The following ZBTB16 variants were observed in gnomAD, a reference collection of about 807,000 sequenced individuals.
ZBTB16 encodes zinc finger and BTB domain containing 16.
In ZBTB16, 8 loss-of-function variants were observed where a neutral mutation model predicts 56.8. The ratio of observed to expected loss-of-function variants is 0.14; its 90% CI spans 0.08 to 0.25. ZBTB16 has a LOEUF of 0.25. ZBTB16 is among the 10% of genes least tolerant of loss of function. The pLI is 1.00. For synonymous variants in ZBTB16, 363 were observed against 368.5 expected, an observed-to-expected ratio of 0.98 and a Z score of 0.17; for missense variants, 625 against 903.0, an observed-to-expected ratio of 0.69 and a Z score of 3.95.
chr11:114,227,665 G>A (rs1944358198), intron 4 of ZBTB16, among the ~76,000 whole-genome samples: 1 of 152,100 alleles, frequency 6.6e-6, no homozygotes, highest in Admixed American at 6.5e-5. Context: ...CTAAGGCTGG[G>A]CCTCCTGTAG....
At chr11:114,118,819 T>C (rs1242292804) in intron 2 of ZBTB16, among the ~76,000 whole-genome samples, 4 of 152,298 alleles carry the variant, frequency 2.6e-5, no homozygotes, top group Non-Finnish European at 5.9e-5. Flanking sequence ...GTTGCGTCTC[T>C]GTGATGAGAC....
intron 2 of ZBTB16, among the ~76,000 whole-genome samples, chr11:114,122,921 T>C (rs1201988560): frequency 1.3e-5 from 2 of 152,212 alleles, no homozygotes; most frequent in Non-Finnish European, 2.9e-5. Flanking sequence ...ACAGACTGGG[T>C]GGCTCAAACA....
chr11:114,111,195 A>C (rs967621032), intron 2 of ZBTB16, among the ~76,000 whole-genome samples: 1 of 142,590 alleles, frequency 7.0e-6, no homozygotes, highest in Non-Finnish European at 1.5e-5. Context: ...GCGCGAGATA[A>C]CTTGGCTGGA....
At chr11:114,215,533 T>C (rs760645883) in intron 4 of ZBTB16, among the ~76,000 whole-genome samples, 15 of 152,198 alleles carry the variant, frequency 9.9e-5, no homozygotes, top group Non-Finnish European at 1.8e-4. Flanking sequence ...CCTGGTGTGC[T>C]AGCAAGAAAA....
intron 2 of ZBTB16, among the ~76,000 whole-genome samples, chr11:114,076,978 G>T (rs1188561673): frequency 6.6e-6 from 1 of 152,170 alleles, no homozygotes; most frequent in Non-Finnish European, 1.5e-5. Context: ...GGCTGGGGGG[G>T]AGAATAGGCC....
At chr11:114,116,775 C>G (rs1401503535) in intron 2 of ZBTB16, among the ~76,000 whole-genome samples, 1 of 152,054 alleles carries the variant, frequency 6.6e-6, no homozygotes, top group Non-Finnish European at 1.5e-5. Context: ...GTGAAAGCTC[C>G]AAGCGGGGAA....
chr11:114,238,747 A>T (rs1591807799), intron 4 of ZBTB16, among the ~76,000 whole-genome samples: 1 of 149,440 alleles, frequency 6.7e-6, no homozygotes, highest in Non-Finnish European at 1.5e-5. Context: ...GACTCCCATC[A>T]CCCTCCCAGC....
At chr11:114,148,092 T>A (rs1051264380) in intron 2 of ZBTB16, among the ~76,000 whole-genome samples, 2 of 152,210 alleles carry the variant, frequency 1.3e-5, no homozygotes, top group African/African-American at 4.8e-5. Flanking sequence ...GCCACGAAGA[T>A]CCCTCCTTGA....
At chr11:114,229,741 T>G (rs1295133795) in intron 4 of ZBTB16, among the ~76,000 whole-genome samples, 3 of 152,198 alleles carry the variant, frequency 2.0e-5, no homozygotes, top group African/African-American at 7.2e-5. Context: ...GAAACTATAT[T>G]GAGTTAGCTA....
At chr11:114,188,374 G>T (rs1353608599) in intron 4 of ZBTB16, 1 of 152,198 alleles carries the variant, frequency 6.6e-6, no homozygotes, top group Non-Finnish European at 1.5e-5. Context: ...AGCTGAGACT[G>T]CATGGGTTTA....
rs141006031 is a variant in ZBTB16 at position 114,181,792 on chromosome 11, C to T, written c.1367-5160C>T. Among the ~76,000 whole-genome samples the T allele has an allele frequency of 6.0e-3, 913 of 152,130 alleles. 10 individuals carry two copies. The highest frequency in any genetic ancestry group is 0.021 in the African/African-American group (864 of 41,496). Reference sequence around the variant, plus strand: ...AGGGTCTAGCGCACTTTATCTTCTGCTATTCTCCCTCTGCTATTTAATTTC... The same window carrying T: ...AGGGTCTAGCGCACTTTATCTTCTGTTATTCTCCCTCTGCTATTTAATTTC... On this transcript the variant is annotated intron_variant, in intron 3 of 6. Coordinates refer to ENST00000335953, the MANE Select transcript of ZBTB16 (RefSeq NM_006006.6).
intron 2 of ZBTB16, among the ~76,000 whole-genome samples, chr11:114,154,358 A>G (rs1942350538): frequency 6.6e-6 from 1 of 152,206 alleles, no homozygotes; most frequent in South Asian, 2.1e-4. Context: ...TTATGTTGCC[A>G]TCCACCAGAT....
In ZBTB16 at chr11:114,254,184, T is replaced by TAC. The variant is rs991694497; in HGVS notation, c.*3630_*3631insCA. Among the ~76,000 whole-genome samples the TAC allele has an allele frequency of 2.7e-5, 4 of 150,554 alleles. No homozygotes were observed. The highest frequency in any genetic ancestry group is 9.7e-5 in the African/African-American group (4 of 41,108). On this transcript the variant is annotated 3_prime_UTR_variant, in exon 7 of 7. Transcript: ENST00000335953. ...ATAGACAAATATATAGATATATAGATATATATATATATAGCAAGAGATTGA... is the reference window on the plus strand; with the variant it reads ...ATAGACAAATATATAGATATATAGATACATATATATATATAGCAAGAGATTGA...
At chr11:114,234,119 C>G (rs1944513977) in intron 4 of ZBTB16, among the ~76,000 whole-genome samples, 1 of 152,202 alleles carries the variant, frequency 6.6e-6, no homozygotes, top group African/African-American at 2.4e-5. Context: ...CCCCTTTTCT[C>G]TTGTGGAAAT....
Position 114,059,770 on chromosome 11 carries a change from G to A in ZBTB16, c.-203G>A. The A allele has an allele frequency of 2.5e-6, 1 of 398,402 alleles. No individual in the cohort carries two copies. Among genetic ancestry groups the A allele is most frequent in the Non-Finnish European group, 4.4e-6 (1 of 225,934 alleles). 24.7% of individuals were successfully genotyped at this position (398,402 alleles called of 1,614,324 possible). On this transcript the variant is annotated 5_prime_UTR_variant, in exon 1 of 7. Coordinates refer to ENST00000335953, the MANE Select transcript of ZBTB16 (RefSeq NM_006006.6). This position sits in a 1 kb window ranked among gnomAD's most constrained non-coding sequence, Gnocchi z 5.3. ...CTGCGAACTGCCGGGCGATGCTGTC[G>A]CTGCCGCCGTGATACGGAGAGCAAC... is the stretch of plus-strand genomic sequence containing the variant.
At chr11:114,080,428 C>T (rs1167689840) in intron 2 of ZBTB16, among the ~76,000 whole-genome samples, 2 of 152,110 alleles carry the variant, frequency 1.3e-5, no homozygotes, top group Non-Finnish European at 2.9e-5. Context: ...TGCACATGCT[C>T]GCTCTCGCTG....
chr11:114,094,401 G>T (rs1376757225), intron 2 of ZBTB16, among the ~76,000 whole-genome samples: 1 of 152,168 alleles, frequency 6.6e-6, no homozygotes, highest in East Asian at 1.9e-4. Context: ...CTAAGATGTT[G>T]GTTCATCTCA....
chr11:114,064,634 C>G lies in ZBTB16; in HGVS notation c.1268+66C>G. The G allele has an allele frequency of 1.3e-6, 2 of 1,582,594 alleles. No homozygotes were observed. The highest frequency in any genetic ancestry group is 1.7e-6 in the Non-Finnish European group (2 of 1,164,188). On this transcript the variant is annotated intron_variant, in intron 2 of 6. Coordinates refer to ENST00000335953, the MANE Select transcript of ZBTB16 (RefSeq NM_006006.6). The surrounding 1 kb of genome is among the most constrained non-coding windows in gnomAD (Gnocchi z 4.2). ...GGCCCTCACACCCCTCCTTCACACCCTGGCTGCTCCCAAGTTAGGGGCCTG... is the reference window on the plus strand; with the variant it reads ...GGCCCTCACACCCCTCCTTCACACCGTGGCTGCTCCCAAGTTAGGGGCCTG...
intron 2 of ZBTB16, among the ~76,000 whole-genome samples, chr11:114,147,127 A>G (rs2134920166): frequency 6.6e-6 from 1 of 152,384 alleles, no homozygotes; most frequent in East Asian, 1.9e-4. Context: ...GTACCAAAGC[A>G]GAAAGAATGA....
Sources: allele counts gnomAD v4.1 joint callset (sites outside exome capture counted in the v4.1 genomes callset), GRCh38; gene constraint gnomAD v4.1.1; non-coding constraint Gnocchi (gnomAD v3.1); transcripts MANE v1.5; gene names NCBI Gene and HGNC (gene_info 2026-07-23, HGNC 2026-07-21).